Variants in BRCA1 observed in about 807,000 individuals in gnomAD.
BRCA1 encodes breast cancer type 1 susceptibility protein.
Under a neutral mutation model 173.7 loss-of-function variants are expected in BRCA1, and 140 were observed. That is an observed-to-expected ratio of 0.81 (90% CI 0.70 to 0.93). BRCA1 has a LOEUF of 0.93. Ranked by LOEUF, BRCA1 falls within the 40% of genes least tolerant of loss-of-function variation. The probability of loss-of-function intolerance (pLI) is 0.00; values close to 1 mark genes in which losing one functional copy is unlikely to be tolerated. For missense variants in BRCA1, 1,983 were observed against 2,172.5 expected (o/e 0.91, Z 1.73); for synonymous variants, 662 against 756.0 (o/e 0.88, Z 2.04).
In BRCA1 at chr17:43,100,563, T is replaced by TATATATAAC. The variant is rs2054349092; in HGVS notation, c.442-684_442-683insGTTATATAT. 1.6e-4 allele frequency among the ~76,000 whole-genome samples: 16 copies of TATATATAAC among 99,836 alleles called. 2 individuals are homozygous for TATATATAAC. The highest frequency in any genetic ancestry group is 6.0e-4 in the African/African-American group (16 of 26,876). 65.5% of individuals were successfully genotyped at this position (99,836 alleles called of 152,430 possible). A position where few individuals can be genotyped will look rare whatever the true frequency, so the allele number is the denominator to read the frequency against. On this transcript the variant is annotated intron_variant, in intron 6 of 22. Transcript: ENST00000357654. ...ATATATATGTGTGTGTGTGTGTATA[T>TATATATAAC]ATATATATAACATATATATAACATA...
Position 43,070,083 on chromosome 17 carries a change from G to A in BRCA1, c.4986+845C>T, listed in dbSNP as rs771137373. ...TGAGTAGCTGGGATTATAGGCATGCGCCACCACGCCCGGCTAATTGTGTAT... is the reference window on the plus strand; with the variant it reads ...TGAGTAGCTGGGATTATAGGCATGCACCACCACGCCCGGCTAATTGTGTAT... On this transcript the variant is annotated intron_variant, in intron 15 of 22. Coordinates refer to ENST00000357654, the MANE Select transcript of BRCA1 (RefSeq NM_007294.4). Among the ~76,000 whole-genome samples the A allele has an allele frequency of 5.3e-5, 8 of 152,086 alleles. 1 individual carries two copies. In the South Asian group the frequency reaches 1.7e-3, roughly 32 times the overall value.
intron 1 of BRCA1, among the ~76,000 whole-genome samples, chr17:43,131,027 C>T (rs1211538566): frequency 1.3e-5 from 2 of 152,160 alleles, no homozygotes; most frequent in Non-Finnish European, 2.9e-5. Flanking sequence ...TTTGCTGATA[C>T]TCTGGGTGTG....
chr17:43,142,376 T>G (rs1190441721), intron 1 of BRCA1: 1 of 152,252 alleles, frequency 6.6e-6, no homozygotes, highest in Non-Finnish European at 1.5e-5. Context: ...CTGCCATCAT[T>G]CTCACCATCC....
intron 1 of BRCA1, among the ~76,000 whole-genome samples, chr17:43,137,871 T>A (rs1303908031): frequency 4.0e-5 from 6 of 151,556 alleles, no homozygotes; most frequent in Middle Eastern, 3.2e-3. Context: ...AGTAAGACCA[T>A]CTCCAAAACA....
intron 1 of BRCA1, chr17:43,161,445 T>C (rs1040329792): frequency 1.3e-5 from 2 of 152,200 alleles, no homozygotes; most frequent in Non-Finnish European, 2.9e-5. Flanking sequence ...CCTGTTTTTA[T>C]GGACAGTAGG....
chr17:43,142,251 A>G lies in BRCA1; in HGVS notation c.-19-18136T>C, dbSNP rs1482103770. Reference sequence around the variant, plus strand: ...CTTGTCAACTCCCTGCTTATGTCCAACACTCACCCCTATTACAGAGCTGGT... The same window carrying G: ...CTTGTCAACTCCCTGCTTATGTCCAGCACTCACCCCTATTACAGAGCTGGT... On this transcript the variant is annotated intron_variant, in intron 1 of 7. Coordinates refer to the BRCA1 transcript ENST00000634433. 7.9e-5 allele frequency among the ~76,000 whole-genome samples: 12 copies of G among 152,076 alleles called. No individual in the cohort carries two copies. In the East Asian group the frequency reaches 2.1e-3, roughly 27 times the overall value.
intron 15 of BRCA1, among the ~76,000 whole-genome samples, chr17:43,068,225 C>T (rs964577927): frequency 2.7e-5 from 4 of 150,020 alleles, no homozygotes; most frequent in Non-Finnish European, 5.9e-5. Flanking sequence ...TGCAGTAAGC[C>T]GAGATGGCGC....
At chr17:43,154,415 C>T (rs1229790020) in intron 1 of BRCA1, among the ~76,000 whole-genome samples, 1 of 151,182 alleles carries the variant, frequency 6.6e-6, no homozygotes, top group South Asian at 2.1e-4. Flanking sequence ...ACCTGGGAGG[C>T]GCAGGTTGCA....
intron 1 of BRCA1, chr17:43,140,220 C>T (rs2056065716): frequency 7.5e-6 from 2 of 266,778 alleles, no homozygotes; most frequent in South Asian, 3.8e-5. Flanking sequence ...GGATGGTGCA[C>T]CCCAACTCCA....
At chr17:43,115,499 C>T (rs2055223853) in intron 3 of BRCA1, among the ~76,000 whole-genome samples, 1 of 123,600 alleles carries the variant, frequency 8.1e-6, no homozygotes, top group African/African-American at 3.1e-5. Context: ...GAGACTTTGT[C>T]TCAAAAAAAA....
intron 1 of BRCA1, among the ~76,000 whole-genome samples, chr17:43,147,873 G>C (rs957078376): frequency 6.6e-6 from 1 of 152,108 alleles, no homozygotes; most frequent in Non-Finnish European, 1.5e-5. Context: ...GAAGGCCCCT[G>C]GCCTAGCCTG....
intron 1 of BRCA1, among the ~76,000 whole-genome samples, chr17:43,146,152 T>C (rs1322416745): frequency 3.9e-5 from 6 of 152,238 alleles, no homozygotes; most frequent in African/African-American, 1.2e-4. Context: ...AGTTGTGAAC[T>C]GTGGGCCATA....
At chr17:43,063,395 C>CT in intron 17 of BRCA1, 22 bp from the exon 18 acceptor site, 1 of 1,601,606 alleles carries the variant, frequency 6.2e-7, no homozygotes, top group Non-Finnish European at 8.6e-7. Flanking sequence ...ATAGAAAAGA[C>CT]AGGTTACATA....
intron 12 of BRCA1, among the ~76,000 whole-genome samples, chr17:43,081,132 C>T (rs1425543783): frequency 6.6e-6 from 1 of 152,056 alleles, no homozygotes; most frequent in Non-Finnish European, 1.5e-5. Context: ...ACAATAATAA[C>T]ATTTTAAATC....
chr17:43,167,248 G>A (rs1375851869), intron 1 of BRCA1: 1 of 152,220 alleles, frequency 6.6e-6, no homozygotes, highest in East Asian at 1.9e-4. Context: ...CCAAGAAATC[G>A]AGCTGCAGAC....
intron 12 of BRCA1, among the ~76,000 whole-genome samples, chr17:43,080,898 A>C (rs2052975966): frequency 6.6e-6 from 1 of 152,148 alleles, no homozygotes; most frequent in Non-Finnish European, 1.5e-5. Flanking sequence ...CTTAAAAAAA[A>C]AATTAAAGAA....
chr17:43,093,238 C>T lies in BRCA1; in HGVS notation c.2293G>A (p.Glu765Lys), dbSNP rs80357449. 2.5e-6 allele frequency: 4 copies of T among 1,614,086 alleles called. No individual in the cohort carries two copies. Among genetic ancestry groups the T allele is most frequent in the Non-Finnish European group, 2.5e-6 (3 of 1,179,992 alleles). ...GGTACCAATGAAATACTGCTACTCT[C>T]TACAGATCTTTCAGTTTGCAAAACC... Reference protein sequence around the residue: ...ERVLQTERSVESSSISLVPGT... With the variant: ...ERVLQTERSVKSSSISLVPGT... Residue 765 changes from glutamate to lysine, a missense_variant, in exon 10 of 23, where the codon GAG (glutamate) becomes AAG (lysine). By Grantham distance (56) the Glu-to-Lys change is moderately conservative (BLOSUM62 1). Transcript: ENST00000357654.
At chr17:43,090,841 A>C in intron 11 of BRCA1, 103 bp downstream of exon 11, 1 of 1,097,682 alleles carries the variant, frequency 9.1e-7, no homozygotes, top group Admixed American at 2.0e-5. Flanking sequence ...TGTGCCATTA[A>C]TTCAAAGAGA....
chr17:43,135,966 C>G (rs2056018515), intron 1 of BRCA1, among the ~76,000 whole-genome samples: 1 of 152,214 alleles, frequency 6.6e-6, no homozygotes, highest in East Asian at 1.9e-4. Context: ...CCTCCCTGCT[C>G]TCTGCAGTAC....
Sources: allele counts gnomAD v4.1 joint callset (sites outside exome capture counted in the v4.1 genomes callset), GRCh38; gene constraint gnomAD v4.1.1; transcripts MANE v1.5; gene names NCBI Gene and HGNC (gene_info 2026-07-23, HGNC 2026-07-21).